Variants in TUBGCP3 observed in about 807,000 individuals in gnomAD.
TUBGCP3 encodes tubulin gamma complex component 3, also known as gamma-tubulin complex component 3.
TUBGCP3 carries 50 observed loss-of-function variants against 123.1 expected under a neutral mutation model. The observed-to-expected ratio is 0.41, with a 90% CI of 0.32 to 0.51. The LOEUF (loss-of-function observed/expected upper bound fraction) is 0.51. Ranked by LOEUF, TUBGCP3 falls within the 20% of genes least tolerant of loss-of-function variation. TUBGCP3 has a pLI of 0.36. For synonymous variants in TUBGCP3, 405 were observed against 413.9 expected (o/e 0.98, Z 0.26); for missense variants, 882 against 1,127.0 (o/e 0.78, Z 3.11).
At chr13:112,509,480 A>G (rs945030532) in intron 17 of TUBGCP3, among the ~76,000 whole-genome samples, 1 of 152,192 alleles carries the variant, frequency 6.6e-6, no homozygotes, top group African/African-American at 2.4e-5. Context: ...ACACCTTTCA[A>G]AAGGTTTCTA....
intron 4 of TUBGCP3, 117 bp downstream of exon 4, chr13:112,559,205 T>A (rs759243163): frequency 2.5e-6 from 2 of 803,680 alleles, no homozygotes; most frequent in Non-Finnish European, 2.0e-6. Flanking sequence ...TGACCTTCCA[T>A]GACAGACAAG....
chr13:112,554,212 A>C (rs1196528602), intron 7 of TUBGCP3, 30 bp from the exon 8 acceptor site: 1 of 1,610,908 alleles, frequency 6.2e-7, no homozygotes, highest in Non-Finnish European at 8.5e-7. Context: ...AATGTTAAAC[A>C]TTAAAAAGCA....
At chr13:112,537,235 C>G (rs1220720474) in intron 11 of TUBGCP3, among the ~76,000 whole-genome samples, 1 of 139,808 alleles carries the variant, frequency 7.2e-6, no homozygotes, top group Non-Finnish European at 1.5e-5. Context: ...ACACCCTTGT[C>G]TTGTTCCTGA....
At chr13:112,549,989 CAAAAAAAA>C (rs750596642) in intron 8 of TUBGCP3, among the ~76,000 whole-genome samples, 233 of 40,220 alleles carry the variant, frequency 5.8e-3, no homozygotes, top group Middle Eastern at 0.017. Flanking sequence ...GACTCCATCT[CAAAAAAAA>C]AAAAAAAAAA....
chr13:112,541,602 G>A (rs1349383891), intron 11 of TUBGCP3, among the ~76,000 whole-genome samples: 1 of 150,054 alleles, frequency 6.7e-6, no homozygotes, highest in Non-Finnish European at 1.5e-5. Context: ...CAACTAAGGA[G>A]TACTTTAAAA....
intron 20 of TUBGCP3, among the ~76,000 whole-genome samples, chr13:112,490,445 G>C (rs997471277): frequency 2.0e-5 from 3 of 152,170 alleles, no homozygotes; most frequent in Non-Finnish European, 4.4e-5. Context: ...AGTAGAGACA[G>C]GGTTTCACCA....
chr13:112,500,118 A>G (rs1275487082), intron 19 of TUBGCP3, among the ~76,000 whole-genome samples: 1 of 152,204 alleles, frequency 6.6e-6, no homozygotes, highest in East Asian at 1.9e-4. Context: ...CTGAAGAGAA[A>G]GGTTAACTCT....
At chr13:112,554,842 T>G (rs775596956) in intron 7 of TUBGCP3, 45 bp downstream of exon 7, 2 of 1,415,916 alleles carry the variant, frequency 1.4e-6, no homozygotes, top group South Asian at 2.5e-5. Context: ...TCATGACATG[T>G]TTTTTCTTTC....
At chr13:112,531,432 C>T (rs1877564083) in intron 11 of TUBGCP3, among the ~76,000 whole-genome samples, 1 of 152,178 alleles carries the variant, frequency 6.6e-6, no homozygotes, top group South Asian at 2.1e-4. Context: ...AATAAGCCCC[C>T]GTTGAGTAAT....
At chr13:112,528,789 T>C (rs1877332727) in intron 11 of TUBGCP3, among the ~76,000 whole-genome samples, 1 of 152,208 alleles carries the variant, frequency 6.6e-6, no homozygotes, top group Non-Finnish European at 1.5e-5. Flanking sequence ...ATTCCTAGAT[T>C]ATGAAAATAT....
chr13:112,510,717 G>A (rs1881623951), intron 17 of TUBGCP3, among the ~76,000 whole-genome samples: 1 of 152,182 alleles, frequency 6.6e-6, no homozygotes, highest in African/African-American at 2.4e-5. Context: ...AACTGAGGCA[G>A]AAGATCAAGA....
chr13:112,544,452 CAAAAAAAAAAAA>C (rs1210946326), intron 11 of TUBGCP3: 3 of 49,194 alleles, frequency 6.1e-5, no homozygotes, highest in South Asian at 1.8e-3. Context: ...GACTCTGTCT[CAAAAAAAAAAAA>C]AAAAAAAAAA....
In TUBGCP3 at chr13:112,565,154, T is replaced by A; in HGVS notation, c.209A>T (p.Asp70Val). 5 of 1,613,604 alleles carry A rather than the reference T, an allele frequency of 3.1e-6. No homozygotes were observed. Among genetic ancestry groups the A allele is most frequent in the Non-Finnish European group, 4.2e-6 (5 of 1,179,968 alleles). Reference protein sequence around the residue: ...KELIRQRREADAALFSELHRK... With the variant: ...KELIRQRREAVAALFSELHRK... ...GTGGAGTTCTGAAAATAATGCAGCATCTGCTTCTCTTCGTTGTCGAATAAC... is the reference window on the plus strand; with the variant it reads ...GTGGAGTTCTGAAAATAATGCAGCAACTGCTTCTCTTCGTTGTCGAATAAC... The change falls in exon 3 of 22, where the codon GAT becomes GTT. Residue 70 changes from aspartate (D) to valine (V), a missense_variant. Around this residue, in one of 3 missense-constraint regions of TUBGCP3, gnomAD observed 713 missense variants for 874.0 expected, o/e 0.82. Coordinates refer to ENST00000261965, the MANE Select transcript of TUBGCP3 (RefSeq NM_006322.6).
rs1293126142 is a variant in TUBGCP3 at position 112,583,260 on chromosome 13, T to C, written c.76+4645A>G. 2.6e-5 allele frequency among the ~76,000 whole-genome samples: 4 copies of C among 152,238 alleles called. No individual in the cohort carries two copies. In the East Asian group the frequency reaches 7.7e-4, roughly 29 times the overall value. On this transcript the variant is annotated intron_variant, in intron 1 of 21. Transcript: ENST00000261965. ...ACCTGAAAATATTAAATACATACTA[T>C]ATCTGCTACAGCCATTAGAATCACA...
chr13:112,602,051 G>T, the TUBGCP3 span, among the ~76,000 whole-genome samples: 1 of 152,232 alleles, frequency 6.6e-6, no homozygotes, highest in African/African-American at 2.4e-5. Flanking sequence ...TTTTTTAGAA[G>T]TGGAAGCTGC....
In TUBGCP3 at chr13:112,522,517, GAAC is replaced by G; in HGVS notation, c.1556-11_1556-9del. The G allele has an allele frequency of 6.2e-7, 1 of 1,606,030 alleles. No homozygotes were observed. Among genetic ancestry groups the G allele is most frequent in the Non-Finnish European group, 8.5e-7 (1 of 1,173,502 alleles). On this transcript the variant is annotated splice_polypyrimidine_tract_variant and intron_variant, in intron 13 of 21. Coordinates refer to ENST00000261965, the MANE Select transcript of TUBGCP3 (RefSeq NM_006322.6). ...CTGTGAATAGGTCTGCAGCTGTAAA[GAAC>G]AACAGGGAAGAGCACACATGCATAT...
upstream of TUBGCP3, among the ~76,000 whole-genome samples, chr13:112,588,505 C>G (rs1344457630): frequency 6.6e-6 from 1 of 152,120 alleles, no homozygotes; most frequent in Admixed American, 6.5e-5. Context: ...TTAAAGGGTG[C>G]AGGGTGTTAC....
chr13:112,499,176 T>C lies in TUBGCP3; in HGVS notation c.2317A>G (p.Asn773Asp). The C allele has an allele frequency of 6.2e-7, 1 of 1,607,944 alleles. No individual in the cohort carries two copies. Among genetic ancestry groups the C allele is most frequent in the African/African-American group, 1.3e-5 (1 of 74,674 alleles). ...LLDSDSRALLNQLRAVFDQII... is the reference protein window; with the variant it reads ...LLDSDSRALLDQLRAVFDQII... ...TGATCAAACACAGCTCTAAGTTGATTTAAAAGTGCCTGAAAGAGATGACAA... is the reference window on the plus strand; with the variant it reads ...TGATCAAACACAGCTCTAAGTTGATCTAAAAGTGCCTGAAAGAGATGACAA... Residue 773 changes from asparagine (N) to aspartate (D), a missense_variant, in exon 20 of 22, where the codon AAT (asparagine) becomes GAT (aspartate). Physicochemically the swap from Asn to Asp is conservative, Grantham distance 23 (BLOSUM62 1). Coordinates refer to ENST00000261965, the MANE Select transcript of TUBGCP3 (RefSeq NM_006322.6).
At chr13:112,582,228 GT>G (rs1355699179) in intron 1 of TUBGCP3, among the ~76,000 whole-genome samples, 1 of 152,224 alleles carries the variant, frequency 6.6e-6, no homozygotes, top group Non-Finnish European at 1.5e-5. Context: ...ACTGTTCAGT[GT>G]TTAAAGTATA....
Sources: allele counts gnomAD v4.1 joint callset (sites outside exome capture counted in the v4.1 genomes callset), GRCh38; gene constraint gnomAD v4.1.1; regional missense constraint gnomAD v4.1.1; transcripts MANE v1.5; gene names NCBI Gene and HGNC (gene_info 2026-07-23, HGNC 2026-07-21).